The following IFT172 variants were observed in gnomAD, a reference collection of about 807,000 sequenced individuals.
The protein encoded by IFT172 is intraflagellar transport protein 172 homolog.
Under a neutral mutation model 248.9 loss-of-function variants are expected in IFT172, and 164 were observed. The observed-to-expected ratio is 0.66, with a 90% CI of 0.58 to 0.75. The LOEUF is 0.75. Among genes scored for constraint, IFT172 ranks in the 30% least tolerant of loss-of-function variants. The pLI is 0.00. For missense variants in IFT172, 1,950 were observed against 2,192.4 expected, an observed-to-expected ratio of 0.89 and a Z score of 2.21; for synonymous variants, 729 against 791.6, an observed-to-expected ratio of 0.92 and a Z score of 1.33.
At chr2:27,472,879 G>C (rs1036715589) in intron 14 of IFT172, among the ~76,000 whole-genome samples, 1 of 152,166 alleles carries the variant, frequency 6.6e-6, no homozygotes, top group Non-Finnish European at 1.5e-5. Context: ...ATCACATTTA[G>C]AGCAGACCAA....
At position 27,445,208 on chromosome 2, in the gene IFT172, C is replaced by T; in HGVS notation, c.5068+88G>A. The T allele has an allele frequency of 6.3e-7, 1 of 1,581,790 alleles. No homozygotes were observed. Among genetic ancestry groups the T allele is most frequent in the Non-Finnish European group, 8.6e-7 (1 of 1,161,594 alleles). ...AGAAAGCACAGTCCTGTCTTTTGTA[C>T]CCTTTACTGAATCCTAGTAAAATTA... is the stretch of plus-strand genomic sequence containing the variant. On this transcript the variant is annotated intron_variant, in intron 46 of 47. Transcript: ENST00000260570. The surrounding 1 kb of genome is among the most constrained non-coding windows in gnomAD (Gnocchi z 4.4).
At chr2:27,453,766 G>T in intron 33 of IFT172, 27 bp from the exon 34 acceptor site, 1 of 1,594,402 alleles carries the variant, frequency 6.3e-7, no homozygotes. Context: ...GTATCAAGAG[G>T]GCAGAGGCAG....
intron 15 of IFT172, chr2:27,472,011 C>CT: frequency 1.8e-6 from 1 of 567,832 alleles, no homozygotes; most frequent in Non-Finnish European, 3.1e-6. Context: ...GCACTCCAGC[C>CT]TGGGTGACAG....
intron 16 of IFT172, 57 bp downstream of exon 16, chr2:27,470,871 A>G: frequency 6.8e-7 from 1 of 1,474,154 alleles, no homozygotes; most frequent in Non-Finnish European, 9.0e-7. Context: ...GAGTCTCCTC[A>G]TGGCTCTAAT....
Position 27,489,702 on chromosome 2 carries a change from G to A in IFT172, c.-49C>T. The A allele has an allele frequency of 6.6e-7, 1 of 1,505,066 alleles. No homozygotes were observed. The highest frequency in any genetic ancestry group is 9.2e-7 in the Non-Finnish European group (1 of 1,089,370). The allele number at this position is 1,505,066 out of a possible 1,614,324, so 93.2% of individuals were successfully genotyped here. On this transcript the variant is annotated 5_prime_UTR_variant, in exon 1 of 48. Coordinates refer to ENST00000260570, the MANE Select transcript of IFT172 (RefSeq NM_015662.3). ...CTCCTAGACAGCGACAACTCCCGTG[G>A]TTACCTGGACAACCCGCCACGCAGC...
intron 16 of IFT172, among the ~76,000 whole-genome samples, chr2:27,468,861 AG>A (rs377742644): frequency 6.6e-6 from 1 of 151,092 alleles, no homozygotes. Flanking sequence ...AAAAAAAAAA[AG>A]AAAAAAAAAA....
Position 27,463,529 on chromosome 2 carries a change from C to CT in IFT172, c.1938-349dup, listed in dbSNP as rs35768559. Reference sequence around the variant, plus strand: ...TGAGATTTTTTTGTGATTCTTTTCTCTTTTTTTTTTTTTTTTTTTAAGCTC... The same window carrying CT: ...TGAGATTTTTTTGTGATTCTTTTCTCTTTTTTTTTTTTTTTTTTTTAAGCTC... On this transcript the variant is annotated intron_variant, in intron 18 of 47. Coordinates refer to ENST00000260570, the MANE Select transcript of IFT172 (RefSeq NM_015662.3). Among the ~76,000 whole-genome samples, 762 of 129,712 alleles carry CT rather than the reference C, an allele frequency of 5.9e-3. 6 individuals carry two copies. Among genetic ancestry groups the CT allele is most frequent in the Non-Finnish European group, 8.0e-3 (486 of 61,098 alleles). The allele number at this position is 129,712 out of a possible 152,430, so 85.1% of individuals were successfully genotyped here.
Position 27,449,283 on chromosome 2 carries a change from G to A in IFT172, c.4311+11C>T. The A allele has an allele frequency of 6.2e-7, 1 of 1,614,052 alleles. No homozygotes were observed. Among genetic ancestry groups the A allele is most frequent in the Non-Finnish European group, 8.5e-7 (1 of 1,179,948 alleles). ...TGTAAAGAAAAACTGGGAATGGGAA[G>A]AGAGCAGTACCTGCTTGGTAGCTGT... On this transcript the variant is annotated intron_variant, in intron 39 of 47. Coordinates refer to ENST00000260570, the MANE Select transcript of IFT172 (RefSeq NM_015662.3).
At position 27,454,044 on chromosome 2, in the gene IFT172, G is replaced by A; in HGVS notation, c.3649C>T (p.Gln1217Ter). ...CGGAGCAGCAGCCCTTCTGCTTTCT[G>A]AAAGTCCTTCTCCTCCAAGGCCCCC... ...ARGALEEKDF[Q>*]KAEGLLLRAQ... The change falls in exon 33 of 48, where the codon CAG becomes TAG. Residue 1217 changes from glutamine to a stop codon, truncating the protein, a stop_gained. Coordinates refer to ENST00000260570, the MANE Select transcript of IFT172 (RefSeq NM_015662.3). LOFTEE classifies it high-confidence loss of function. This position sits in a 1 kb window ranked among gnomAD's most constrained non-coding sequence, Gnocchi z 4.2. The A allele has an allele frequency of 6.2e-7, 1 of 1,614,106 alleles. No individual in the cohort carries two copies. Among genetic ancestry groups the A allele is most frequent in the Non-Finnish European group, 8.5e-7 (1 of 1,180,026 alleles).
intron 30 of IFT172, chr2:27,455,224 G>T: frequency 2.9e-6 from 1 of 346,242 alleles, no homozygotes; most frequent in Non-Finnish European, 5.5e-6. Context: ...GAGGCAAACG[G>T]CAGGTCCTTA....
chr2:27,454,373 G>C lies in IFT172; in HGVS notation c.3511C>G (p.Pro1171Ala), dbSNP rs747503760. The C allele has an allele frequency of 6.2e-6, 10 of 1,614,176 alleles. 1 individual carries two copies. The Admixed American group carries it at 1.7e-4, about 27-fold the overall frequency. Residue 1171 changes from proline (P) to alanine (A), a missense_variant, in exon 32 of 48, where the codon CCC becomes GCC. Pro to Ala is a conservative substitution (Grantham distance 27, BLOSUM62 -1). Coordinates refer to ENST00000260570, the MANE Select transcript of IFT172 (RefSeq NM_015662.3). This position sits in a 1 kb window ranked among gnomAD's most constrained non-coding sequence, Gnocchi z 4.2. ...AEAEFIRAGK[P>A]KEAVLMFVHN... is the part of the protein sequence containing the mutation. Reference sequence around the variant, plus strand: ...ACTCACATGAGGACTGCCTCCTTGGGTTTACCAGCTCTGATGAATTCAGCT... The same window carrying C: ...ACTCACATGAGGACTGCCTCCTTGGCTTTACCAGCTCTGATGAATTCAGCT...
intron 14 of IFT172, among the ~76,000 whole-genome samples, chr2:27,473,643 T>C (rs1207446356): frequency 6.6e-6 from 1 of 151,692 alleles, no homozygotes; most frequent in Non-Finnish European, 1.5e-5. Context: ...CAATTATAAG[T>C]AGAATCAGAG....
Position 27,465,405 on chromosome 2 carries a change from C to T in IFT172, c.1937+6G>A, listed in dbSNP as rs1558388446. ...GTGGCACCTCTGTTCTACATGTCTA[C>T]CTCACCTCTCCGCAATGTGTAGTTG... On this transcript the variant is annotated splice_donor_region_variant and intron_variant, in intron 18 of 47. Transcript: ENST00000260570. 1 of 1,612,440 alleles carries T rather than the reference C, an allele frequency of 6.2e-7. No individual in the cohort carries two copies. Among genetic ancestry groups the T allele is most frequent in the Admixed American group, 1.7e-5 (1 of 60,020 alleles).
Position 27,462,791 on chromosome 2 carries a change from G to A in IFT172, c.2025C>T (p.Gly675=), listed in dbSNP as rs762659921. The change falls in exon 20 of 48, where the codon GGC becomes GGT. Residue 675 remains glycine (G), a splice_region_variant and synonymous_variant. Transcript: ENST00000260570. ...EIADQVSREY[G]GEGTDFYQVR... is the part of the protein sequence containing the mutation. ...CCTGATAAAAGTCTGTTCCTTCTCC[G>A]CCCTGTGGGGGAAAAAGGAGGTTCT... is the stretch of plus-strand genomic sequence containing the variant. 57 of 1,613,896 alleles carry A rather than the reference G, an allele frequency of 3.5e-5. No homozygotes were observed. The highest frequency in any genetic ancestry group is 4.6e-5 in the Non-Finnish European group (54 of 1,179,862).
In IFT172 at chr2:27,447,851, A is replaced by G. The variant is rs1456462116; in HGVS notation, c.4500T>C (p.Tyr1500=). 2.5e-6 allele frequency: 4 copies of G among 1,613,820 alleles called. No individual in the cohort carries two copies. Among genetic ancestry groups the G allele is most frequent in the Non-Finnish European group, 2.5e-6 (3 of 1,179,798 alleles). The change falls in exon 41 of 48, where the codon TAT becomes TAC. Residue 1500 remains tyrosine (Y), a synonymous_variant. Transcript: ENST00000260570. ...SSPGTNCAEA[Y]HSWADLRDVL... ...CATCTCGAAGATCAGCCCAGCTATG[A>G]TAGGCCTCGGCACAGTTGGTTCCAG... is the stretch of plus-strand genomic sequence containing the variant.
intron 14 of IFT172, among the ~76,000 whole-genome samples, chr2:27,475,275 A>G (rs970082742): frequency 2.0e-5 from 3 of 152,206 alleles, no homozygotes; most frequent in Non-Finnish European, 2.9e-5. Context: ...AACAATTTGG[A>G]AATAGTGAAG....
chr2:27,445,681 A>C lies in IFT172; in HGVS notation c.4914+64T>G. Reference sequence around the variant, plus strand: ...CTTCCAAAGATGGCAGCACAAAGATATTCTCCCTCCTCAAGGCACTCACAC... The same window carrying C: ...CTTCCAAAGATGGCAGCACAAAGATCTTCTCCCTCCTCAAGGCACTCACAC... On this transcript the variant is annotated intron_variant, in intron 45 of 47. Coordinates refer to ENST00000260570, the MANE Select transcript of IFT172 (RefSeq NM_015662.3). This position sits in a 1 kb window ranked among gnomAD's most constrained non-coding sequence, Gnocchi z 4.4. 1 of 1,572,884 alleles carries C rather than the reference A, an allele frequency of 6.4e-7. No individual in the cohort carries two copies. Among genetic ancestry groups the C allele is most frequent in the Non-Finnish European group, 8.7e-7 (1 of 1,145,140 alleles).
At position 27,473,470 on chromosome 2, in the gene IFT172, C is replaced by T. The variant is rs189656963; in HGVS notation, c.1412-1108G>A. ...GGACTACAGGCGCCAGCCACCACGA[C>T]CGGCTAATTTTTTGTATTTTTAGTA... On this transcript the variant is annotated intron_variant, in intron 14 of 47. Transcript: ENST00000260570. Among the ~76,000 whole-genome samples the T allele has an allele frequency of 3.2e-3, 482 of 150,126 alleles. 1 individual carries two copies. The highest frequency in any genetic ancestry group is 0.01 in the Middle Eastern group (3 of 286).
At chr2:27,456,842 C>G (rs959790802) in intron 29 of IFT172, among the ~76,000 whole-genome samples, 189 bp from the exon 30 acceptor site, 1 of 151,960 alleles carries the variant, frequency 6.6e-6, no homozygotes, top group African/African-American at 2.4e-5. Context: ...GTCAGGAGTT[C>G]GAGACCAGCC....
Sources: gnomAD v4.1 joint callset for allele counts (sites outside exome capture counted in the v4.1 genomes callset) on GRCh38, gnomAD v4.1.1 for gene constraint, Gnocchi (gnomAD v3.1) non-coding constraint, MANE v1.5 for transcripts, NCBI Gene and HGNC (gene_info 2026-07-23, HGNC 2026-07-21) for gene names.